PPM1L: variants seen among roughly 807,000 people sequenced by gnomAD.
PPM1L encodes the protein protein phosphatase 1L.
Under a neutral mutation model 31.4 loss-of-function variants are expected in PPM1L, and 13 were observed. The observed-to-expected ratio is 0.41, with a 90% CI of 0.27 to 0.66. The LOEUF (loss-of-function observed/expected upper bound fraction) is 0.66, where lower values mean the gene tolerates loss of function less well. PPM1L is among the 30% of genes least tolerant of loss of function. The pLI is 0.29. For synonymous variants in PPM1L, 184 were observed against 175.4 expected, an observed-to-expected ratio of 1.05 and a Z score of -0.39; for missense variants, 326 against 453.7, an observed-to-expected ratio of 0.72 and a Z score of 2.56.
intron 2 of PPM1L, among the ~76,000 whole-genome samples, chr3:160,962,369 C>T (rs1375566065): frequency 2.0e-5 from 3 of 152,050 alleles, no homozygotes; most frequent in African/African-American, 7.2e-5. Context: ...GACTTCATCT[C>T]ACTGCCTGCC....
At chr3:160,973,558 A>G (rs1450375917) in intron 2 of PPM1L, among the ~76,000 whole-genome samples, 1 of 152,182 alleles carries the variant, frequency 6.6e-6, no homozygotes, top group Non-Finnish European at 1.5e-5. Context: ...TTAAAGTGCC[A>G]GGATTTCTAA....
chr3:160,957,769 G>T (rs1715824943), intron 1 of PPM1L, among the ~76,000 whole-genome samples: 1 of 151,872 alleles, frequency 6.6e-6, no homozygotes, highest in Non-Finnish European at 1.5e-5. Context: ...GTAGAGACGG[G>T]GTTTCACCAT....
chr3:160,971,592 A>G (rs773064808), intron 2 of PPM1L, among the ~76,000 whole-genome samples: 26 of 152,212 alleles, frequency 1.7e-4, no homozygotes, highest in Admixed American at 7.9e-4. Context: ...TCAGAAAATC[A>G]TGAGAGAACC....
In PPM1L at chr3:160,786,218, T is replaced by A. The variant is rs1388036933; in HGVS notation, c.399+29511T>A. Among the ~76,000 whole-genome samples the A allele has an allele frequency of 5.3e-3, 598 of 113,148 alleles. 3 individuals carry two copies. The highest frequency in any genetic ancestry group is 0.014 in the African/African-American group (364 of 26,248). The allele number at this position is 113,148 out of a possible 152,430, so 74.2% of individuals were successfully genotyped here. ...ATATATATATATATATTTTTTTTTT[T>A]TTTTTTTTTTTTTTTTTAAGACAGA... On this transcript the variant is annotated intron_variant, in intron 1 of 3. Transcript: ENST00000498165.
intron 1 of PPM1L, among the ~76,000 whole-genome samples, chr3:160,866,112 C>T (rs1712076086): frequency 6.6e-6 from 1 of 152,098 alleles, no homozygotes; most frequent in African/African-American, 2.4e-5. Flanking sequence ...TGTTTTTCTC[C>T]CCCTGTTAGA....
chr3:161,045,090 C>T (rs1442798214), intron 2 of PPM1L, among the ~76,000 whole-genome samples: 1 of 152,206 alleles, frequency 6.6e-6, no homozygotes, highest in Non-Finnish European at 1.5e-5. Context: ...AATATATATG[C>T]ACTCAATACA....
intron 1 of PPM1L, among the ~76,000 whole-genome samples, chr3:160,920,609 T>TCACA (rs1278287003): frequency 5.7e-4 from 28 of 49,144 alleles, no homozygotes; most frequent in Admixed American, 3.2e-3. Flanking sequence ...TCTCTCTCTC[T>TCACA]CTCTCTCACA....
intron 2 of PPM1L, among the ~76,000 whole-genome samples, chr3:161,027,281 G>A (rs1021108643): frequency 2.0e-4 from 31 of 152,314 alleles, no homozygotes; most frequent in African/African-American, 7.0e-4. Flanking sequence ...ACCTTTAGAC[G>A]ATTGGTGCAA....
chr3:160,839,390 A>T (rs1293114445), intron 1 of PPM1L, among the ~76,000 whole-genome samples: 3 of 152,316 alleles, frequency 2.0e-5, no homozygotes, highest in Admixed American at 1.3e-4. Flanking sequence ...GGGAACTCTT[A>T]GAGCTGCTGG....
chr3:161,076,852 G>GT lies in PPM1L; in HGVS notation c.*7702dup, dbSNP rs1281923912. 6.8e-6 allele frequency: 1 copy of GT among 147,998 alleles called. No homozygotes were observed. Among genetic ancestry groups the GT allele is most frequent in the Non-Finnish European group, 1.5e-5 (1 of 68,006 alleles). 9.2% of individuals were successfully genotyped at this position (147,998 alleles called of 1,614,324 possible). On this transcript the variant is annotated 3_prime_UTR_variant, in exon 4 of 4. Transcript: ENST00000498165. The stretch of plus-strand genomic sequence containing the variant: ...TAATTTGTATAAGGAAAATGTATGA[G>GT]TTTTTTTCTTAAAAATAAATAGAAG...
chr3:160,924,073 A>G (rs1714507232), intron 1 of PPM1L, among the ~76,000 whole-genome samples: 1 of 152,222 alleles, frequency 6.6e-6, no homozygotes, highest in Non-Finnish European at 1.5e-5. Context: ...GTCTGTTTTC[A>G]TTAGAAATTA....
chr3:160,896,870 G>A (rs1054892890), intron 1 of PPM1L, among the ~76,000 whole-genome samples: 2 of 152,050 alleles, frequency 1.3e-5, no homozygotes, highest in East Asian at 3.9e-4. Context: ...TAATCAGATG[G>A]TTTAATGGCC....
rs1719875377 is a variant in PPM1L, at chr3:161,070,574, G to T, written c.*1417G>T. The T allele has an allele frequency of 6.6e-6, 1 of 152,090 alleles. No individual in the cohort carries two copies. Among genetic ancestry groups the T allele is most frequent in the Non-Finnish European group, 1.5e-5 (1 of 68,030 alleles). The allele number at this position is 152,090 out of a possible 1,614,324, so 9.4% of individuals were successfully genotyped here. On this transcript the variant is annotated 3_prime_UTR_variant, in exon 4 of 4. Coordinates refer to ENST00000498165, the MANE Select transcript of PPM1L (RefSeq NM_139245.4). The stretch of plus-strand genomic sequence containing the variant: ...CTAATTTATCATTTTTCCAACCTTG[G>T]TATTTTATATTATTTAGAGAAAATG...
intron 2 of PPM1L, among the ~76,000 whole-genome samples, chr3:161,013,847 CCT>C (rs1717979819): frequency 6.6e-6 from 1 of 151,972 alleles, no homozygotes; most frequent in Non-Finnish European, 1.5e-5. Context: ...GGATGCAACC[CCT>C]GTTTTTTTTG....
At chr3:161,029,899 T>A (rs1367519136) in intron 2 of PPM1L, among the ~76,000 whole-genome samples, 1 of 152,128 alleles carries the variant, frequency 6.6e-6, no homozygotes, top group Non-Finnish European at 1.5e-5. Context: ...ATTCCTGATA[T>A]CAGAACAACT....
At chr3:160,863,986 G>A (rs1308103505) in intron 1 of PPM1L, among the ~76,000 whole-genome samples, 2 of 152,186 alleles carry the variant, frequency 1.3e-5, no homozygotes, top group African/African-American at 2.4e-5. Flanking sequence ...GGTAGGTAAA[G>A]AAGCTGATTT....
intron 2 of PPM1L, among the ~76,000 whole-genome samples, chr3:161,020,417 T>G (rs1343737344): frequency 6.6e-6 from 1 of 152,140 alleles, no homozygotes; most frequent in African/African-American, 2.4e-5. Context: ...GAAACTGACC[T>G]TAACATAAGC....
At position 160,870,997 on chromosome 3, in the gene PPM1L, G is replaced by T. The variant is rs1309862323; in HGVS notation, c.400-90739G>T. ...TAATTTCTCAGAAATTAAACAGCATGACCCTTTGATTGAATCCAAAGCTGG... is the reference window on the plus strand; with the variant it reads ...TAATTTCTCAGAAATTAAACAGCATTACCCTTTGATTGAATCCAAAGCTGG... On this transcript the variant is annotated intron_variant, in intron 1 of 3. Coordinates refer to ENST00000498165, the MANE Select transcript of PPM1L (RefSeq NM_139245.4). Among the ~76,000 whole-genome samples the T allele has an allele frequency of 7.9e-5, 12 of 152,270 alleles. No homozygotes were observed. In the South Asian group the frequency reaches 2.5e-3, roughly 32 times the overall value.
At chr3:161,068,673 C>T in intron 3 of PPM1L, 138 bp from the exon 4 acceptor site, 1 of 664,370 alleles carries the variant, frequency 1.5e-6, no homozygotes, top group Non-Finnish European at 2.6e-6. Flanking sequence ...CAGTGGGTCC[C>T]AGGAGTGATG....
Sources: allele counts gnomAD v4.1 joint callset (sites outside exome capture counted in the v4.1 genomes callset), GRCh38; gene constraint gnomAD v4.1.1; transcripts MANE v1.5; gene names NCBI Gene and HGNC (gene_info 2026-07-23, HGNC 2026-07-21).